The following CADPS variants were observed in gnomAD, a reference collection of about 807,000 sequenced individuals.
CADPS encodes the protein calcium dependent secretion activator.
A neutral mutation model predicts 167.3 loss-of-function variants in CADPS; 57 were observed. The ratio of observed to expected loss-of-function variants is 0.34; its 90% CI spans 0.28 to 0.42. The LOEUF (loss-of-function observed/expected upper bound fraction) is 0.42, where lower values mean the gene tolerates loss of function less well. Among genes scored for constraint, CADPS ranks in the 20% least tolerant of loss-of-function variants. CADPS has a pLI of 1.00. For missense variants in CADPS, 1,414 were observed against 1,738.1 expected (o/e 0.81, Z 3.32); for synonymous variants, 676 against 635.3 (o/e 1.06, Z -0.96).
intron 13 of CADPS, among the ~76,000 whole-genome samples, chr3:62,522,095 CTCTATCTATCTATCTATCTA>C (rs3074258): frequency 3.7e-4 from 54 of 144,066 alleles, no homozygotes; most frequent in East Asian, 8.4e-4. Context: ...ATCCTCAAAG[CTCTATCTATCTATCTATCTA>C]TCTATCTATC....
chr3:62,409,862 T>C (rs543972015), intron 28 of CADPS, among the ~76,000 whole-genome samples: 1 of 152,328 alleles, frequency 6.6e-6, no homozygotes, highest in Admixed American at 6.5e-5. Flanking sequence ...AACTGTCTCA[T>C]GTGAAATTAA....
At chr3:62,556,911 T>A (rs1333210675) in intron 10 of CADPS, among the ~76,000 whole-genome samples, 1 of 151,364 alleles carries the variant, frequency 6.6e-6, no homozygotes, top group Non-Finnish European at 1.5e-5. Context: ...ATCTCTTGAA[T>A]TGTAGCTAGG....
intron 23 of CADPS, among the ~76,000 whole-genome samples, chr3:62,475,595 A>AC (rs1560909603): frequency 1.7e-4 from 24 of 142,892 alleles, no homozygotes; most frequent in African/African-American, 6.3e-4. Context: ...AAAAAAAAAA[A>AC]AAAAAAAAAA....
chr3:62,655,403 T>C lies in CADPS; in HGVS notation c.970-4323A>G, dbSNP rs934202060. 2.6e-5 allele frequency among the ~76,000 whole-genome samples: 4 copies of C among 152,144 alleles called. No individual in the cohort carries two copies. In the South Asian group the frequency reaches 8.3e-4, roughly 31 times the overall value. On this transcript the variant is annotated intron_variant, in intron 4 of 29. Transcript: ENST00000383710. ...ATATTGCTTTATGAGAAACATAGCG[T>C]ATGGGTGGGCAAAGTCCTCCAAAAA... is the stretch of plus-strand genomic sequence containing the variant.
chr3:62,844,392 C>T (rs1358136604), intron 1 of CADPS, among the ~76,000 whole-genome samples: 1 of 152,160 alleles, frequency 6.6e-6, no homozygotes, highest in Non-Finnish European at 1.5e-5. Flanking sequence ...GACACACCTA[C>T]TTTTTGACAT....
At chr3:62,780,254 A>G (rs1301283838) in intron 1 of CADPS, among the ~76,000 whole-genome samples, 1 of 152,068 alleles carries the variant, frequency 6.6e-6, no homozygotes, top group Non-Finnish European at 1.5e-5. Flanking sequence ...CATACCTCAA[A>G]ACTTTTTCAA....
At chr3:62,704,693 G>A (rs577884614) in intron 3 of CADPS, among the ~76,000 whole-genome samples, 2 of 152,174 alleles carry the variant, frequency 1.3e-5, no homozygotes, top group South Asian at 2.1e-4. Context: ...CTTGTATAAG[G>A]TAAATAACAT....
intron 3 of CADPS, among the ~76,000 whole-genome samples, chr3:62,748,049 G>A (rs2081863259): frequency 6.6e-6 from 1 of 151,810 alleles, no homozygotes; most frequent in East Asian, 1.9e-4. Context: ...GGCCGGGCGT[G>A]GCGGCTTACA....
chr3:62,586,651 T>A (rs1240397781), intron 7 of CADPS, among the ~76,000 whole-genome samples: 1 of 152,234 alleles, frequency 6.6e-6, no homozygotes, highest in Non-Finnish European at 1.5e-5. Flanking sequence ...TTTCAAGTCT[T>A]CCCACTGTCT....
At chr3:62,836,818 C>G (rs941675223) in intron 1 of CADPS, among the ~76,000 whole-genome samples, 3 of 152,018 alleles carry the variant, frequency 2.0e-5, no homozygotes, top group Non-Finnish European at 4.4e-5. Flanking sequence ...CGCCCACCCC[C>G]CGTTGTCATC....
chr3:62,508,048 C>G (rs2067004090), intron 17 of CADPS, among the ~76,000 whole-genome samples: 1 of 152,124 alleles, frequency 6.6e-6, no homozygotes, highest in African/African-American at 2.4e-5. Flanking sequence ...TGGGGTATAA[C>G]AAATCATTGA....
At position 62,849,213 on chromosome 3, in the gene CADPS, C is replaced by G. The variant is rs543495157; in HGVS notation, c.441+25376G>C. 4.4e-4 allele frequency among the ~76,000 whole-genome samples: 65 copies of G among 149,282 alleles called. 2 individuals are homozygous for G. Among genetic ancestry groups the G allele is most frequent in the African/African-American group, 1.4e-3 (57 of 40,732 alleles). On this transcript the variant is annotated intron_variant, in intron 1 of 29. Coordinates refer to ENST00000383710, the MANE Select transcript of CADPS (RefSeq NM_003716.4). The stretch of plus-strand genomic sequence containing the variant: ...GGGTTTTCTAGATAAACAATCATGT[C>G]GTCTGCAAACAGAGACAATTTGACT...
chr3:62,431,900 A>C (rs1021101328), intron 28 of CADPS, among the ~76,000 whole-genome samples: 7 of 151,482 alleles, frequency 4.6e-5, no homozygotes, highest in African/African-American at 1.7e-4. Context: ...ATTAAAAAAA[A>C]CACCACTGAT....
intron 11 of CADPS, 144 bp from the exon 12 acceptor site, chr3:62,536,725 T>G: frequency 1.3e-6 from 1 of 747,768 alleles, no homozygotes; most frequent in Non-Finnish European, 2.3e-6. Flanking sequence ...CCCAAGATAT[T>G]CTTTTTACCT....
chr3:62,608,442 C>T (rs546561783), intron 6 of CADPS, among the ~76,000 whole-genome samples: 162 of 152,016 alleles, frequency 1.1e-3, no homozygotes, highest in African/African-American at 3.7e-3. Context: ...GCCACCATGC[C>T]AGGCGAATTT....
In CADPS at chr3:62,874,476, G is replaced by T; in HGVS notation, c.441+113C>A. The T allele has an allele frequency of 1.3e-6, 1 of 787,756 alleles. No homozygotes were observed. The highest frequency in any genetic ancestry group is 2.0e-6 in the Non-Finnish European group (1 of 497,294). 48.8% of individuals were successfully genotyped at this position (787,756 alleles called of 1,614,324 possible). A position where few individuals can be genotyped will look rare whatever the true frequency, so the allele number is the denominator to read the frequency against. On this transcript the variant is annotated intron_variant, in intron 1 of 29. Coordinates refer to ENST00000383710, the MANE Select transcript of CADPS (RefSeq NM_003716.4). The surrounding 1 kb of genome is among the most constrained non-coding windows in gnomAD (Gnocchi z 7.1). ...CCTCGTAGCCCTTTCCCCAGGGCGC[G>T]GTCTCCACCTCTCCTGCTCCTCCTC...
At position 62,601,768 on chromosome 3, in the gene CADPS, G is replaced by T. The variant is rs1240800077; in HGVS notation, c.1326-9020C>A. ...GCAGATGATTCATATTTAGGGGGAT[G>T]GGGATGACTTTTAAAGTCACAGCAC... On this transcript the variant is annotated intron_variant, in intron 6 of 29. Coordinates refer to ENST00000383710, the MANE Select transcript of CADPS (RefSeq NM_003716.4). The surrounding 1 kb of genome is among the most constrained non-coding windows in gnomAD (Gnocchi z 4.3). Among the ~76,000 whole-genome samples, 2 of 152,152 alleles carry T rather than the reference G, an allele frequency of 1.3e-5. No individual in the cohort carries two copies. The highest frequency in any genetic ancestry group is 4.8e-5 in the African/African-American group (2 of 41,436).
intron 8 of CADPS, among the ~76,000 whole-genome samples, chr3:62,575,285 T>C (rs2082051943): frequency 6.6e-6 from 1 of 152,232 alleles, no homozygotes; most frequent in Non-Finnish European, 1.5e-5. Context: ...AGTGAAGTGT[T>C]ACAAGTTTTC....
At chr3:62,742,156 C>G (rs916209644) in intron 3 of CADPS, among the ~76,000 whole-genome samples, 1 of 152,136 alleles carries the variant, frequency 6.6e-6, no homozygotes, top group Non-Finnish European at 1.5e-5. Flanking sequence ...ACATCCAATG[C>G]TCATGGATAG....
Sources: gnomAD v4.1 joint callset for allele counts (sites outside exome capture counted in the v4.1 genomes callset) on GRCh38, gnomAD v4.1.1 for gene constraint, Gnocchi (gnomAD v3.1) non-coding constraint, MANE v1.5 for transcripts, NCBI Gene and HGNC (gene_info 2026-07-23, HGNC 2026-07-21) for gene names.